The following PCDH9 variants were observed in gnomAD, a reference collection of about 807,000 sequenced individuals.
PCDH9 encodes the protein protocadherin 9.
A neutral mutation model predicts 70.6 loss-of-function variants in PCDH9; 24 were observed. That is an observed-to-expected ratio of 0.34 (90% confidence interval 0.25 to 0.48). The LOEUF (loss-of-function observed/expected upper bound fraction) is 0.48, where lower values mean the gene tolerates loss of function less well. PCDH9 is among the 20% of genes least tolerant of loss of function. The pLI is 0.99. For synonymous variants in PCDH9, 562 were observed against 558.5 expected (o/e 1.01, Z -0.09); for missense variants, 1,281 against 1,503.6 (o/e 0.85, Z 2.45).
intron 2 of PCDH9, among the ~76,000 whole-genome samples, chr13:66,958,320 T>A (rs1462112552): frequency 6.6e-6 from 1 of 152,184 alleles, no homozygotes; most frequent in African/African-American, 2.4e-5. Context: ...CTATGACTAA[T>A]TTTGTAGACT....
intron 3 of PCDH9, among the ~76,000 whole-genome samples, chr13:66,710,807 G>A (rs1454311036): frequency 6.6e-6 from 1 of 151,480 alleles, no homozygotes; most frequent in African/African-American, 2.4e-5. Context: ...TGGCTCATGA[G>A]TCTTTCCCTC....
chr13:66,493,861 C>T (rs976713806), intron 4 of PCDH9, among the ~76,000 whole-genome samples: 4 of 151,848 alleles, frequency 2.6e-5, no homozygotes, highest in Non-Finnish European at 5.9e-5. Flanking sequence ...GCCTATGATG[C>T]CACATATATA....
intron 3 of PCDH9, among the ~76,000 whole-genome samples, chr13:66,646,323 T>C (rs1013301323): frequency 6.6e-6 from 1 of 152,218 alleles, no homozygotes; most frequent in Non-Finnish European, 1.5e-5. Flanking sequence ...TTAATATAGC[T>C]GGGATTTTCA....
intron 2 of PCDH9, among the ~76,000 whole-genome samples, chr13:67,020,803 G>C (rs1000641963): frequency 3.9e-5 from 6 of 152,124 alleles, no homozygotes; most frequent in African/African-American, 1.4e-4. Flanking sequence ...GTTTTAACTA[G>C]ATTATATATC....
chr13:66,334,134 T>A (rs1235029918), intron 4 of PCDH9, among the ~76,000 whole-genome samples: 3 of 152,114 alleles, frequency 2.0e-5, no homozygotes, highest in African/African-American at 7.2e-5. Flanking sequence ...ATACTACTTA[T>A]TTCTTCTATC....
At chr13:66,315,032 G>A (rs1477056281) in intron 4 of PCDH9, among the ~76,000 whole-genome samples, 2 of 152,154 alleles carry the variant, frequency 1.3e-5, no homozygotes, top group African/African-American at 4.8e-5. Flanking sequence ...AGATTCCAAG[G>A]ACGGGAAGGA....
intron 2 of PCDH9, among the ~76,000 whole-genome samples, chr13:66,938,960 A>G (rs1184347551): frequency 1.3e-5 from 2 of 152,118 alleles, no homozygotes; most frequent in Non-Finnish European, 2.9e-5. Flanking sequence ...CTATCAATGT[A>G]TTTATTTGTA....
intron 4 of PCDH9, among the ~76,000 whole-genome samples, chr13:66,490,998 A>G (rs1959024023): frequency 1.3e-5 from 2 of 152,208 alleles, no homozygotes; most frequent in African/African-American, 4.8e-5. Context: ...TCCTCAGTTT[A>G]TAGAAATGAG....
intron 3 of PCDH9, among the ~76,000 whole-genome samples, chr13:66,866,783 C>A (rs925402143): frequency 6.6e-6 from 1 of 152,102 alleles, no homozygotes; most frequent in Non-Finnish European, 1.5e-5. Context: ...GGAGACAGAG[C>A]GAGATTCTGT....
At chr13:66,686,565 A>G (rs1264104282) in intron 3 of PCDH9, among the ~76,000 whole-genome samples, 1 of 152,198 alleles carries the variant, frequency 6.6e-6, no homozygotes, top group Non-Finnish European at 1.5e-5. Flanking sequence ...ATATGCTGCA[A>G]TAATATTATA....
chr13:67,160,576 AT>A (rs34756420), intron 2 of PCDH9, among the ~76,000 whole-genome samples: 117,254 of 149,234 alleles, frequency 0.79, 46,385 homozygotes, highest in East Asian at 0.9. Context: ...CTCAAAGGCT[AT>A]TTTTTTTTTT....
intron 3 of PCDH9, among the ~76,000 whole-genome samples, chr13:66,834,101 A>T (rs1286140694): frequency 6.7e-6 from 1 of 150,032 alleles, no homozygotes; most frequent in African/African-American, 2.5e-5. Context: ...TCCCTTCAAC[A>T]TTTGTTTGGC....
intron 4 of PCDH9, among the ~76,000 whole-genome samples, chr13:66,498,762 T>A (rs1372816701): frequency 6.6e-6 from 1 of 152,116 alleles, no homozygotes; most frequent in Non-Finnish European, 1.5e-5. Flanking sequence ...CCGTATTAAG[T>A]GCGTAATACC....
At position 66,609,136 on chromosome 13, in the gene PCDH9, G is replaced by A. The variant is rs185846318; in HGVS notation, c.3340+22074C>T. On this transcript the variant is annotated intron_variant, in intron 4 of 4. Transcript: ENST00000377865. Reference sequence around the variant, plus strand: ...CACTCAATAGCTATATAAATTAGCTGTTTATATAATCCAGTGAAAAAGAAG... The same window carrying A: ...CACTCAATAGCTATATAAATTAGCTATTTATATAATCCAGTGAAAAAGAAG... 2.1e-3 allele frequency among the ~76,000 whole-genome samples: 322 copies of A among 151,970 alleles called. 3 individuals are homozygous for A. Among genetic ancestry groups the A allele is most frequent in the Non-Finnish European group, 3.8e-4 (26 of 68,004 alleles).
intron 3 of PCDH9, among the ~76,000 whole-genome samples, chr13:66,812,101 C>A (rs1450047216): frequency 2.6e-4 from 39 of 151,912 alleles, no homozygotes; most frequent in Admixed American, 2.6e-3. Flanking sequence ...TACCCAAAGT[C>A]CATTGTATAA....
At chr13:66,711,212 A>T (rs979288775) in intron 3 of PCDH9, among the ~76,000 whole-genome samples, 1 of 152,182 alleles carries the variant, frequency 6.6e-6, no homozygotes, top group African/African-American at 2.4e-5. Flanking sequence ...ATGACAAGGC[A>T]TCCCCATATA....
At chr13:66,892,208 GTA>G (rs1340116772) in intron 3 of PCDH9, among the ~76,000 whole-genome samples, 16 of 146,944 alleles carry the variant, frequency 1.1e-4, no homozygotes, top group African/African-American at 3.0e-4. Flanking sequence ...TTATGTGTGT[GTA>G]TATATATAAT....
intron 3 of PCDH9, among the ~76,000 whole-genome samples, chr13:66,737,664 C>A (rs2079175107): frequency 6.6e-6 from 1 of 152,202 alleles, no homozygotes; most frequent in Non-Finnish European, 1.5e-5. Context: ...CGAAGCCGGG[C>A]AAGGCATTGC....
chr13:66,683,302 G>C lies in PCDH9; in HGVS notation c.3139-51891C>G, dbSNP rs568109811. ...TTACATGGTTTAACTGACAAGTCAT[G>C]CTTGTCACCATTCATTAGTTATTGC... On this transcript the variant is annotated intron_variant, in intron 3 of 4. Transcript: ENST00000377865. Among the ~76,000 whole-genome samples, 4 of 152,230 alleles carry C rather than the reference G, an allele frequency of 2.6e-5. No homozygotes were observed. The South Asian group carries it at 8.3e-4, about 32-fold the overall frequency.
Sources: allele counts gnomAD v4.1 joint callset (sites outside exome capture counted in the v4.1 genomes callset), GRCh38; gene constraint gnomAD v4.1.1; transcripts MANE v1.5; gene names NCBI Gene and HGNC (gene_info 2026-07-23, HGNC 2026-07-21).